Variants in CSTPP1 observed in about 807,000 individuals in gnomAD.
The protein encoded by CSTPP1 is centriolar satellite-associated tubulin polyglutamylase complex regulator 1, also known as UPF0705 protein C11orf49.
At chr11:47,041,459 G>A in the CSTPP1 span, 1 of 297,350 alleles carries the variant, frequency 3.4e-6, no homozygotes, top group Non-Finnish European at 7.0e-6. Flanking sequence ...AACGTTGCAT[G>A]TCTGTAAGAT....
chr11:46,993,493 A>G, the CSTPP1 span, among the ~76,000 whole-genome samples: 1 of 151,930 alleles, frequency 6.6e-6, no homozygotes, highest in Non-Finnish European at 1.5e-5. Context: ...CTTTCTACAT[A>G]TGGCTAGCCA....
the CSTPP1 span, among the ~76,000 whole-genome samples, chr11:47,078,540 G>A: frequency 1.3e-5 from 2 of 152,166 alleles, no homozygotes; most frequent in African/African-American, 4.8e-5. Flanking sequence ...AAGCGTAAAG[G>A]GGATAGTTGG....
the CSTPP1 span, among the ~76,000 whole-genome samples, chr11:47,102,359 G>C: frequency 6.6e-6 from 1 of 151,812 alleles, no homozygotes. Flanking sequence ...CACTTTGGGA[G>C]AATGTTAGGT....
chr11:46,999,975 G>A, the CSTPP1 span, among the ~76,000 whole-genome samples: 1 of 152,172 alleles, frequency 6.6e-6, no homozygotes, highest in Admixed American at 6.5e-5. Context: ...AGTACTTTGT[G>A]TATGTCTGCA....
At chr11:47,046,611 A>C in the CSTPP1 span, among the ~76,000 whole-genome samples, 2 of 151,346 alleles carry the variant, frequency 1.3e-5, no homozygotes, top group Non-Finnish European at 2.9e-5. Flanking sequence ...TACCCAAAGC[A>C]ATCTACTGAT....
At chr11:47,095,100 A>G in the CSTPP1 span, among the ~76,000 whole-genome samples, 5 of 152,196 alleles carry the variant, frequency 3.3e-5, no homozygotes, top group African/African-American at 1.2e-4. Context: ...TAGCAATGGC[A>G]TGGCCCAGGA....
chr11:47,068,431 C>G, the CSTPP1 span, among the ~76,000 whole-genome samples: 2 of 152,006 alleles, frequency 1.3e-5, no homozygotes, highest in Admixed American at 1.3e-4. Flanking sequence ...ACTCAGGAGG[C>G]TGAGGTGGGA....
At chr11:47,124,405 G>T in the CSTPP1 span, among the ~76,000 whole-genome samples, 2 of 151,750 alleles carry the variant, frequency 1.3e-5, no homozygotes. Flanking sequence ...ATAAGCCACC[G>T]CACCCGGCCT....
the CSTPP1 span, among the ~76,000 whole-genome samples, chr11:47,080,601 G>A: frequency 6.6e-5 from 10 of 152,138 alleles, no homozygotes; most frequent in Non-Finnish European, 1.3e-4. Context: ...ATGATTGCAG[G>A]TGATATGATT....
the CSTPP1 span, among the ~76,000 whole-genome samples, chr11:47,091,535 C>T: frequency 6.6e-6 from 1 of 152,004 alleles, no homozygotes; most frequent in African/African-American, 2.4e-5. Context: ...GTTATTATAC[C>T]TCCTTATATA....
the CSTPP1 span, among the ~76,000 whole-genome samples, chr11:46,944,368 C>T: frequency 2.0e-3 from 301 of 151,600 alleles, 1 homozygote; most frequent in African/African-American, 5.0e-3. Context: ...AAGCATTTAT[C>T]CTGTTAGAGC....
chr11:46,938,771 T>TC, the CSTPP1 span, among the ~76,000 whole-genome samples: 14,212 of 135,340 alleles, frequency 0.11, 2,376 homozygotes, highest in African/African-American at 0.35. Context: ...CTTTTTTTTT[T>TC]TTCTTCTTCT....
the CSTPP1 span, chr11:47,158,088 T>A: frequency 1.6e-6 from 1 of 633,140 alleles, no homozygotes; most frequent in African/African-American, 1.8e-5. Context: ...CGACAAAACA[T>A]GGCTCTTACA....
chr11:47,159,880 T>C, the CSTPP1 span: 1 of 355,126 alleles, frequency 2.8e-6, no homozygotes, highest in South Asian at 2.1e-5. Context: ...GGCACATGCC[T>C]GTAATTCCTG....
chr11:46,991,536 T>C, the CSTPP1 span: 4 of 152,216 alleles, frequency 2.6e-5, no homozygotes, highest in South Asian at 8.3e-4. Flanking sequence ...CTTGCTTGCT[T>C]TTACAGAACA....
the CSTPP1 span, among the ~76,000 whole-genome samples, chr11:46,976,515 C>T: frequency 6.6e-6 from 1 of 152,012 alleles, no homozygotes; most frequent in Non-Finnish European, 1.5e-5. Flanking sequence ...TTAGCTGCAC[C>T]TTGGGCATGT....
the CSTPP1 span, among the ~76,000 whole-genome samples, chr11:47,095,686 G>A: frequency 6.6e-6 from 1 of 152,008 alleles, no homozygotes; most frequent in African/African-American, 2.4e-5. Context: ...AATGAAGCCT[G>A]GTATCACCTC....
At chr11:47,161,581 A>C in the CSTPP1 span, 3 of 1,613,896 alleles carry the variant, frequency 1.9e-6, no homozygotes, top group African/African-American at 1.3e-5. Context: ...ATCATTCCCG[A>C]AAAGTGGATG....
chr11:46,987,324 T>C, the CSTPP1 span: 1 of 1,605,030 alleles, frequency 6.2e-7, no homozygotes, highest in Admixed American at 1.7e-5. Flanking sequence ...AGTACATGAA[T>C]GTTGTACTAA....
Sources: allele counts gnomAD v4.1 joint callset (sites outside exome capture counted in the v4.1 genomes callset), GRCh38; gene constraint gnomAD v4.1.1; transcripts MANE v1.5; gene names NCBI Gene and HGNC (gene_info 2026-07-23, HGNC 2026-07-21).